Variants in UIMC1 observed in about 807,000 individuals in gnomAD.
The protein encoded by UIMC1 is BRCA1-A complex subunit RAP80.
UIMC1 carries 42 observed loss-of-function variants against 84.9 expected under a neutral mutation model. The observed-to-expected ratio is 0.49, with a 90% CI of 0.39 to 0.64. The LOEUF (loss-of-function observed/expected upper bound fraction) is 0.64. Ranked by LOEUF, UIMC1 falls within the 30% of genes least tolerant of loss-of-function variation. The pLI is 0.00. For missense variants in UIMC1, 825 were observed against 847.6 expected (o/e 0.97, Z 0.33); for synonymous variants, 281 against 293.0 (o/e 0.96, Z 0.42).
chr5:176,977,232 A>G (rs1447490914), intron 2 of UIMC1, among the ~76,000 whole-genome samples: 1 of 151,814 alleles, frequency 6.6e-6, no homozygotes, highest in Non-Finnish European at 1.5e-5. Context: ...TCAAAAAAAA[A>G]AAAAAAAAAG....
In UIMC1 at chr5:176,905,687, C is replaced by T; in HGVS notation, c.1950-195G>A. 16 of 659,668 alleles carry T rather than the reference C, an allele frequency of 2.4e-5. No homozygotes were observed. In the South Asian group the frequency reaches 2.9e-4, roughly 12 times the overall value. The allele number at this position is 659,668 out of a possible 1,614,324, so 40.9% of individuals were successfully genotyped here. A position where few individuals can be genotyped will look rare whatever the true frequency, so the allele number is the denominator to read the frequency against. On this transcript the variant is annotated intron_variant, in intron 14 of 14. Coordinates refer to ENST00000511320, the MANE Select transcript of UIMC1 (RefSeq NM_001199298.2). ...TAAATCATATACTACTTAAAGCTGG[C>T]CATTGAGAGAATGAGAACTGAGATC...
At chr5:176,995,586 G>A (rs1372019145) in intron 1 of UIMC1, among the ~76,000 whole-genome samples, 1 of 143,994 alleles carries the variant, frequency 6.9e-6, no homozygotes, top group Non-Finnish European at 1.5e-5. Flanking sequence ...GCTCACACCT[G>A]TAATCCTAGC....
chr5:176,925,875 T>C (rs765486877), intron 10 of UIMC1, among the ~76,000 whole-genome samples: 1 of 152,312 alleles, frequency 6.6e-6, no homozygotes, highest in Non-Finnish European at 1.5e-5. Context: ...TATTTGTGCA[T>C]TTCACACAAA....
chr5:176,924,741 T>C (rs1012578052), intron 10 of UIMC1, among the ~76,000 whole-genome samples: 8 of 151,978 alleles, frequency 5.3e-5, no homozygotes, highest in African/African-American at 1.9e-4. Context: ...CAAGATACCA[T>C]TAAGAAAATG....
intron 6 of UIMC1, 57 bp downstream of exon 6, chr5:176,968,498 A>T: frequency 6.5e-7 from 1 of 1,529,112 alleles, no homozygotes; most frequent in Non-Finnish European, 8.7e-7. Context: ...AGCTAAAATA[A>T]TCCTTGTTTT....
chr5:176,907,162 C>T lies in UIMC1; in HGVS notation c.1864G>A (p.Glu622Lys). The part of the protein sequence containing the change: ...LKNPKEKGHS[E>K]GRLLSFLEQS... The stretch of plus-strand genomic sequence containing the variant: ...TCCAAGAAACTAAGGAGTCGGCCTT[C>T]ACTGTGGCCTTTTTCCTGTAACAGA... The change falls in exon 13 of 15, where the codon GAA (glutamate) becomes AAA (lysine). Residue 622 changes from glutamate (E) to lysine (K), a missense_variant. Coordinates refer to ENST00000511320, the MANE Select transcript of UIMC1 (RefSeq NM_001199298.2). 6.2e-7 allele frequency: 1 copy of T among 1,613,716 alleles called. No individual in the cohort carries two copies. Among genetic ancestry groups the T allele is most frequent in the Non-Finnish European group, 8.5e-7 (1 of 1,179,808 alleles).
intron 13 of UIMC1, 113 bp downstream of exon 13, chr5:176,907,001 T>A: frequency 9.4e-7 from 1 of 1,060,830 alleles, no homozygotes; most frequent in African/African-American, 1.6e-5. Flanking sequence ...GCTGGCTGAC[T>A]GGATCACGTG....
intron 1 of UIMC1, 53 bp from the exon 2 acceptor site, chr5:176,982,676 TA>T: frequency 6.5e-7 from 1 of 1,539,386 alleles, no homozygotes; most frequent in Non-Finnish European, 8.8e-7. Flanking sequence ...ATAATTTACT[TA>T]AAGTATAAGT....
chr5:176,996,619 C>G (rs1241548744), intron 1 of UIMC1, among the ~76,000 whole-genome samples: 1 of 152,120 alleles, frequency 6.6e-6, no homozygotes, highest in Non-Finnish European at 1.5e-5. Flanking sequence ...GTAAGAATAC[C>G]ATGAGTCTCT....
At chr5:176,958,368 T>C (rs1766882345) in intron 6 of UIMC1, among the ~76,000 whole-genome samples, 1 of 152,200 alleles carries the variant, frequency 6.6e-6, no homozygotes, top group Admixed American at 6.5e-5. Context: ...CTTACTAAAT[T>C]TGTGATTGGG....
Position 176,905,236 on chromosome 5 carries a change from C to T in UIMC1, c.*46G>A, listed in dbSNP as rs776539462. On this transcript the variant is annotated 3_prime_UTR_variant, in exon 15 of 15. Coordinates refer to ENST00000511320, the MANE Select transcript of UIMC1 (RefSeq NM_001199298.2). ...ACCACTATGGCTTAATGAACATGGC[C>T]CACCCCTCCTACTAATGGTTTTGTC... is the stretch of plus-strand genomic sequence containing the variant. The T allele has an allele frequency of 2.0e-5, 32 of 1,598,522 alleles. 1 individual carries two copies. Among genetic ancestry groups the T allele is most frequent in the Non-Finnish European group, 2.5e-5 (29 of 1,169,648 alleles).
intron 1 of UIMC1, among the ~76,000 whole-genome samples, chr5:176,984,110 C>T (rs191545712): frequency 0.01 from 1,289 of 125,032 alleles, 77 homozygotes; most frequent in African/African-American, 0.04. Flanking sequence ...TCTGCCCGGC[C>T]GCCCTGTCTG....
intron 1 of UIMC1, among the ~76,000 whole-genome samples, chr5:177,021,666 T>C (rs1775833000): frequency 6.6e-6 from 1 of 152,032 alleles, no homozygotes; most frequent in African/African-American, 2.4e-5. Flanking sequence ...GCTTTTTTTT[T>C]TTTTAGTCGG....
intron 10 of UIMC1, among the ~76,000 whole-genome samples, chr5:176,931,558 T>C (rs1428734527): frequency 2.0e-5 from 3 of 152,176 alleles, no homozygotes; most frequent in African/African-American, 7.2e-5. Flanking sequence ...GTAAAAGCAC[T>C]GAGAATTCAT....
At chr5:176,965,590 T>C (rs1482746140) in intron 6 of UIMC1, among the ~76,000 whole-genome samples, 3 of 152,222 alleles carry the variant, frequency 2.0e-5, no homozygotes, top group Non-Finnish European at 2.9e-5. Flanking sequence ...CCCAAAATGC[T>C]GAGATTAGGC....
intron 3 of UIMC1, among the ~76,000 whole-genome samples, chr5:176,971,696 GTCAGGAAT>G (rs2149487662): frequency 6.6e-6 from 1 of 151,502 alleles, no homozygotes; most frequent in East Asian, 2.0e-4. Flanking sequence ...ATCATGTGAG[GTCAGGAAT>G]TCGAGACCAT....
At chr5:177,016,242 T>A (rs1775667075) in intron 1 of UIMC1, among the ~76,000 whole-genome samples, 2 of 151,712 alleles carry the variant, frequency 1.3e-5, no homozygotes, top group South Asian at 4.2e-4. Flanking sequence ...CTGGTGCCTG[T>A]AATCCCAGCT....
chr5:176,956,847 GATAGAAA>G (rs1382376200), intron 7 of UIMC1, among the ~76,000 whole-genome samples: 1 of 151,806 alleles, frequency 6.6e-6, no homozygotes. Context: ...ACTAAATCCT[GATAGAAA>G]ACCACAAGTG....
intron 2 of UIMC1, among the ~76,000 whole-genome samples, chr5:176,977,582 C>CAAAAAAAA (rs1270486136): frequency 8.4e-5 from 4 of 47,808 alleles, no homozygotes; most frequent in Admixed American, 3.0e-4. Flanking sequence ...GACTCCATCT[C>CAAAAAAAA]AAAAAAAAAA....
Sources: allele counts gnomAD v4.1 joint callset (sites outside exome capture counted in the v4.1 genomes callset), GRCh38; gene constraint gnomAD v4.1.1; transcripts MANE v1.5; gene names NCBI Gene and HGNC (gene_info 2026-07-23, HGNC 2026-07-21).